PRKAR2B: variants seen among roughly 807,000 people sequenced by gnomAD.
The protein encoded by PRKAR2B is protein kinase cAMP-dependent type II regulatory subunit beta.
A neutral mutation model predicts 49.9 loss-of-function variants in PRKAR2B; 14 were observed. That is an observed-to-expected ratio of 0.28 (90% confidence interval 0.19 to 0.44). The LOEUF (loss-of-function observed/expected upper bound fraction) is 0.44, where lower values mean the gene tolerates loss of function less well. Among genes scored for constraint, PRKAR2B ranks in the 20% least tolerant of loss-of-function variants. The probability of loss-of-function intolerance (pLI) is 1.00; values close to 1 mark genes in which losing one functional copy is unlikely to be tolerated. For missense variants in PRKAR2B, 393 were observed against 537.9 expected, an observed-to-expected ratio of 0.73 and a Z score of 2.67; for synonymous variants, 196 against 197.7, an observed-to-expected ratio of 0.99 and a Z score of 0.07.
At chr7:107,063,059 G>A (rs1037539388) in intron 1 of PRKAR2B, among the ~76,000 whole-genome samples, 3 of 151,976 alleles carry the variant, frequency 2.0e-5, no homozygotes, top group African/African-American at 7.2e-5. Context: ...ACTGGAGTGC[G>A]GTGGTACGAT....
chr7:107,060,051 G>GA (rs1192732380), intron 1 of PRKAR2B, among the ~76,000 whole-genome samples: 1 of 100,918 alleles, frequency 9.9e-6, no homozygotes, highest in African/African-American at 5.0e-5. Flanking sequence ...GTTTGTTTTG[G>GA]AAAATATAGT....
chr7:107,071,109 A>G (rs1302243057), intron 2 of PRKAR2B, among the ~76,000 whole-genome samples: 1 of 152,228 alleles, frequency 6.6e-6, no homozygotes, highest in Non-Finnish European at 1.5e-5. Context: ...TTCTCTGTGT[A>G]AGAGGACAAA....
intron 2 of PRKAR2B, among the ~76,000 whole-genome samples, chr7:107,072,955 T>C (rs897893727): frequency 6.6e-6 from 1 of 152,226 alleles, no homozygotes; most frequent in Admixed American, 6.5e-5. Context: ...TTTATTCATC[T>C]GTTTTTAAAT....
chr7:107,137,579 G>A (rs1438624952), intron 4 of PRKAR2B, among the ~76,000 whole-genome samples: 2 of 152,150 alleles, frequency 1.3e-5, no homozygotes, highest in African/African-American at 4.8e-5. Flanking sequence ...GGAACAGTGA[G>A]GTGGAAGATC....
At chr7:107,102,453 G>C (rs1312571026) in intron 2 of PRKAR2B, among the ~76,000 whole-genome samples, 2 of 152,154 alleles carry the variant, frequency 1.3e-5, no homozygotes, top group Non-Finnish European at 2.9e-5. Context: ...GGATGGCCCT[G>C]CTCTGTCTAT....
intron 3 of PRKAR2B, among the ~76,000 whole-genome samples, chr7:107,126,221 G>A (rs1480062264): frequency 1.6e-4 from 22 of 140,118 alleles, no homozygotes; most frequent in South Asian, 9.1e-4. Context: ...GTGAAAACCC[G>A]TCTCTACTAA....
At chr7:107,140,632 T>C (rs1214193084) in intron 4 of PRKAR2B, among the ~76,000 whole-genome samples, 1 of 152,216 alleles carries the variant, frequency 6.6e-6, no homozygotes, top group East Asian at 1.9e-4. Context: ...AGACTAATTA[T>C]AATTACTTTC....
Position 107,045,136 on chromosome 7 carries a change from G to T in PRKAR2B, c.229G>T (p.Ala77Ser). 1 of 1,520,812 alleles carries T rather than the reference G, an allele frequency of 6.6e-7. No homozygotes were observed. Among genetic ancestry groups the T allele is most frequent in the Non-Finnish European group, 8.8e-7 (1 of 1,136,856 alleles). 94.2% of individuals were successfully genotyped at this position (1,520,812 alleles called of 1,614,324 possible). Residue 77 changes from alanine (A) to serine (S), a missense_variant, in exon 1 of 11, where the codon GCC (alanine) becomes TCC (serine). Coordinates refer to ENST00000265717, the MANE Select transcript of PRKAR2B (RefSeq NM_002736.3). ...CACCCCCAGCAAGGGGGTCAACTTCGCCGAGGAGCCCATGCAGTCCGACTC... is the reference window on the plus strand; with the variant it reads ...CACCCCCAGCAAGGGGGTCAACTTCTCCGAGGAGCCCATGCAGTCCGACTC... ...GGTPSKGVNF[A>S]EEPMQSDSED...
intron 3 of PRKAR2B, among the ~76,000 whole-genome samples, chr7:107,126,885 G>T (rs923297524): frequency 6.6e-6 from 1 of 151,976 alleles, no homozygotes; most frequent in African/African-American, 2.4e-5. Context: ...ATGAATATTG[G>T]GCAGATAGTA....
At position 107,157,054 on chromosome 7, in the gene PRKAR2B, G is replaced by T; in HGVS notation, c.984+5G>T. ...AAAATTACTATGAAAAGAAAGGTAA[G>T]CATTCTAAGTCCTCAGAACCCACAT... is the stretch of plus-strand genomic sequence containing the variant. On this transcript the variant is annotated splice_donor_5th_base_variant and intron_variant, in intron 9 of 10. Transcript: ENST00000265717. 1 of 1,610,232 alleles carries T rather than the reference G, an allele frequency of 6.2e-7. No homozygotes were observed. Among genetic ancestry groups the T allele is most frequent in the Non-Finnish European group, 8.5e-7 (1 of 1,176,496 alleles).
In PRKAR2B at chr7:107,157,064, T is replaced by C; in HGVS notation, c.984+15T>C. 1.2e-6 allele frequency: 2 copies of C among 1,608,766 alleles called. No individual in the cohort carries two copies. The highest frequency in any genetic ancestry group is 2.2e-5 in the South Asian group (2 of 90,952). On this transcript the variant is annotated intron_variant, in intron 9 of 10. Transcript: ENST00000265717. ...TGAAAAGAAAGGTAAGCATTCTAAG[T>C]CCTCAGAACCCACATACTGTTAGCA...
chr7:107,045,501 T>A (rs547130288), intron 1 of PRKAR2B, among the ~76,000 whole-genome samples: 1 of 152,260 alleles, frequency 6.6e-6, no homozygotes, highest in South Asian at 2.1e-4. Context: ...CTGGGCCGGT[T>A]GGGGTGGGCA....
At chr7:107,051,620 A>G (rs141232919) in intron 1 of PRKAR2B, among the ~76,000 whole-genome samples, 2,787 of 152,300 alleles carry the variant, frequency 0.018, 93 homozygotes, top group African/African-American at 0.065. Flanking sequence ...TAAAATTTTC[A>G]GGTCATGGCT....
intron 2 of PRKAR2B, among the ~76,000 whole-genome samples, chr7:107,111,148 A>G (rs1795164096): frequency 6.6e-6 from 1 of 152,164 alleles, no homozygotes; most frequent in Admixed American, 6.5e-5. Context: ...ATAGGTCTAT[A>G]GTGGTGGTGG....
chr7:107,058,205 C>G, intron 1 of PRKAR2B, among the ~76,000 whole-genome samples: 1 of 152,078 alleles, frequency 6.6e-6, no homozygotes, highest in Non-Finnish European at 1.5e-5. Context: ...TAAGGTTTAG[C>G]AGGTAATTTT....
chr7:107,141,983 A>G (rs1443057127), intron 5 of PRKAR2B, among the ~76,000 whole-genome samples: 2 of 152,242 alleles, frequency 1.3e-5, no homozygotes, highest in Admixed American at 6.5e-5. Context: ...CTGAAATCTA[A>G]CAGCAGAGCA....
At chr7:107,062,626 G>A (rs1328430237) in intron 1 of PRKAR2B, among the ~76,000 whole-genome samples, 1 of 152,174 alleles carries the variant, frequency 6.6e-6, no homozygotes, top group African/African-American at 2.4e-5. Flanking sequence ...ATCTTGATTG[G>A]AGTGTTGGTT....
In PRKAR2B at chr7:107,128,271, C is replaced by T; in HGVS notation, c.456C>T (p.Ile152=). 1 of 1,611,686 alleles carries T rather than the reference C, an allele frequency of 6.2e-7. No homozygotes were observed. Among genetic ancestry groups the T allele is most frequent in the Non-Finnish European group, 8.5e-7 (1 of 1,177,860 alleles). Residue 152 remains isoleucine, a synonymous_variant, in exon 4 of 11, where the codon ATC becomes ATT. Transcript: ENST00000265717. ...GGTTGCAAGAGGCTTGCAAAGACAT[C>T]CTGCTGTTTAAGAATCTGGATCCGG... ...RNRLQEACKD[I]LLFKNLDPEQ...
intron 1 of PRKAR2B, among the ~76,000 whole-genome samples, chr7:107,060,382 C>T (rs559734590): frequency 5.6e-4 from 85 of 152,194 alleles, no homozygotes; most frequent in Middle Eastern, 3.4e-3. Context: ...CACATTGAAG[C>T]GAACATTCAA....
Sources: gnomAD v4.1 joint callset for allele counts (sites outside exome capture counted in the v4.1 genomes callset) on GRCh38, gnomAD v4.1.1 for gene constraint, MANE v1.5 for transcripts, NCBI Gene and HGNC (gene_info 2026-07-23, HGNC 2026-07-21) for gene names.